OPA3: variants seen among roughly 807,000 people sequenced by gnomAD.
OPA3 encodes optic atrophy 3 protein.
In OPA3, 6 loss-of-function variants were observed where a neutral mutation model predicts 4.0. The ratio of observed to expected loss-of-function variants is 1.51; its 90% CI spans 0.83 to 2.99. OPA3 has a LOEUF of 2.99. OPA3 is among the 30% of genes most tolerant of loss of function. The pLI is 0.00. For synonymous variants in OPA3, 105 were observed against 117.1 expected (o/e 0.90, Z 0.67); for missense variants, 235 against 256.2 (o/e 0.92, Z 0.56).
intron 1 of OPA3, among the ~76,000 whole-genome samples, chr19:45,564,525 C>T (rs1436770086): frequency 6.6e-6 from 1 of 152,174 alleles, no homozygotes; most frequent in Non-Finnish European, 1.5e-5. Context: ...GCAATGCAGA[C>T]ATCAAGAGCC....
Position 45,548,142 on chromosome 19 carries a change from T to C in OPA3, c.*5372A>G. Reference sequence around the variant, plus strand: ...ACACTCAGAGTTGCCATGCTTCTCCTCTCTCTGTCCACACCGACTCCAGCT... The same window carrying C: ...ACACTCAGAGTTGCCATGCTTCTCCCCTCTCTGTCCACACCGACTCCAGCT... On this transcript the variant is annotated 3_prime_UTR_variant, in exon 2 of 2. Coordinates refer to ENST00000263275, the MANE Select transcript of OPA3 (RefSeq NM_025136.4). The C allele has an allele frequency of 1.0e-6, 1 of 985,714 alleles. No homozygotes were observed. Among genetic ancestry groups the C allele is most frequent in the Non-Finnish European group, 1.2e-6 (1 of 830,098 alleles). The allele number at this position is 985,714 out of a possible 1,614,324, so 61.1% of individuals were successfully genotyped here.
In OPA3 at chr19:45,553,561, T is replaced by C. The variant is rs1304888554; in HGVS notation, c.493A>G (p.Asn165Asp). ...ELQEVRAQLC[N>D]PGRSASHAVP... ...GCGTGGGAAGCGGACCGGCCGGGAT[T>C]GCAGAGCTGGGCGCGCACCTCTTGC... is the stretch of plus-strand genomic sequence containing the variant. Residue 165 changes from asparagine (N) to aspartate (D), a missense_variant, in exon 2 of 2, where the codon AAT becomes GAT. Asn to Asp is a conservative substitution (Grantham distance 23, BLOSUM62 1). Transcript: ENST00000263275. The C allele has an allele frequency of 5.0e-6, 8 of 1,613,300 alleles. No homozygotes were observed. In the South Asian group the frequency reaches 6.6e-5, roughly 13 times the overall value.
rs539986721 is a variant in OPA3, at chr19:45,560,244, C to G, written c.143-6333G>C. On this transcript the variant is annotated intron_variant, in intron 1 of 1. Transcript: ENST00000263275. ...CTCAGATGTCCCCTCCTCCAGGAAGCCTTCCCTGACCTCCAGACCCCTGGG... is the reference window on the plus strand; with the variant it reads ...CTCAGATGTCCCCTCCTCCAGGAAGGCTTCCCTGACCTCCAGACCCCTGGG... Among the ~76,000 whole-genome samples the G allele has an allele frequency of 3.3e-4, 50 of 152,202 alleles. No individual in the cohort carries two copies. The South Asian group carries it at 7.1e-3, about 21-fold the overall frequency.
At chr19:45,573,295 C>T (rs1969715905) in intron 1 of OPA3, among the ~76,000 whole-genome samples, 1 of 151,888 alleles carries the variant, frequency 6.6e-6, no homozygotes, top group Admixed American at 6.6e-5. Context: ...ACTAAAAATA[C>T]AAAAAATTAG....
At chr19:45,557,042 C>T (rs561296642) in intron 1 of OPA3, among the ~76,000 whole-genome samples, 1 of 152,222 alleles carries the variant, frequency 6.6e-6, no homozygotes, top group African/African-American at 2.4e-5. Context: ...ACTGTCACTG[C>T]CTCCTTCATG....
intron 1 of OPA3, among the ~76,000 whole-genome samples, chr19:45,532,360 T>C (rs972910604): frequency 2.0e-5 from 3 of 152,214 alleles, no homozygotes; most frequent in African/African-American, 7.2e-5. Flanking sequence ...TGAGAATAAC[T>C]GATCCTAGTG....
chr19:45,583,854 T>A (rs1969891731), intron 1 of OPA3, among the ~76,000 whole-genome samples: 1 of 152,228 alleles, frequency 6.6e-6, no homozygotes, highest in Non-Finnish European at 1.5e-5. Context: ...GCAGCCCTGC[T>A]GGCCTCAGGT....
intron 1 of OPA3, among the ~76,000 whole-genome samples, chr19:45,581,533 G>A (rs776676754): frequency 2.6e-5 from 4 of 152,162 alleles, no homozygotes; most frequent in Non-Finnish European, 4.4e-5. Flanking sequence ...TCTGTCCCCC[G>A]CAGGACTAGG....
At chr19:45,533,260 T>C (rs1252246216) in intron 1 of OPA3, among the ~76,000 whole-genome samples, 1 of 151,232 alleles carries the variant, frequency 6.6e-6, no homozygotes, top group Non-Finnish European at 1.5e-5. Flanking sequence ...CAGTGGCGCA[T>C]CTCTGCTCAC....
intron 1 of OPA3, among the ~76,000 whole-genome samples, chr19:45,540,858 G>A (rs1969178521): frequency 6.6e-6 from 1 of 152,122 alleles, no homozygotes; most frequent in South Asian, 2.1e-4. Flanking sequence ...TCTCTCACTG[G>A]AATTGGCAAA....
intron 1 of OPA3, among the ~76,000 whole-genome samples, chr19:45,578,497 C>T (rs1236754473): frequency 6.6e-6 from 1 of 150,884 alleles, no homozygotes; most frequent in Non-Finnish European, 1.5e-5. Flanking sequence ...ACTCCTGGCT[C>T]ACTGGCTTCC....
chr19:45,575,642 T>G (rs1004363631), intron 1 of OPA3, among the ~76,000 whole-genome samples: 3 of 152,158 alleles, frequency 2.0e-5, no homozygotes, highest in Non-Finnish European at 4.4e-5. Context: ...GGTCTTGCTC[T>G]GTCACCCAGG....
chr19:45,558,486 G>A (rs1038216094), intron 1 of OPA3, among the ~76,000 whole-genome samples: 1 of 152,062 alleles, frequency 6.6e-6, no homozygotes, highest in Non-Finnish European at 1.5e-5. Flanking sequence ...CAACTACTGC[G>A]GTCGCCAGCC....
At chr19:45,560,813 C>T (rs1969490979) in intron 1 of OPA3, among the ~76,000 whole-genome samples, 1 of 152,134 alleles carries the variant, frequency 6.6e-6, no homozygotes, top group African/African-American at 2.4e-5. Flanking sequence ...CTCTAGGTCA[C>T]AACACAGTGG....
In OPA3 at chr19:45,548,691, C is replaced by T. The variant is rs1969287886; in HGVS notation, c.*4823G>A. 1 of 981,742 alleles carries T rather than the reference C, an allele frequency of 1.0e-6. No individual in the cohort carries two copies. Among genetic ancestry groups the T allele is most frequent in the Non-Finnish European group, 1.2e-6 (1 of 827,530 alleles). 60.8% of individuals were successfully genotyped at this position (981,742 alleles called of 1,614,324 possible). A position where few individuals can be genotyped will look rare whatever the true frequency, so the allele number is the denominator to read the frequency against. Reference sequence around the variant, plus strand: ...TTTTTTTTTTGCGGGAGACGCCCTACCAAGGACACTGGGTCCATGTCCCGG... The same window carrying T: ...TTTTTTTTTTGCGGGAGACGCCCTATCAAGGACACTGGGTCCATGTCCCGG... On this transcript the variant is annotated 3_prime_UTR_variant, in exon 2 of 2. Coordinates refer to ENST00000263275, the MANE Select transcript of OPA3 (RefSeq NM_025136.4).
intron 1 of OPA3, among the ~76,000 whole-genome samples, chr19:45,535,077 C>T: frequency 6.6e-6 from 1 of 152,080 alleles, no homozygotes; most frequent in Non-Finnish European, 1.5e-5. Flanking sequence ...TTTGCAGGTT[C>T]CCAACAACAG....
chr19:45,538,118 T>A (rs982235244), intron 1 of OPA3, among the ~76,000 whole-genome samples: 186 of 70,322 alleles, frequency 2.6e-3, no homozygotes, highest in African/African-American at 3.3e-3. Flanking sequence ...AAAAAAAAAA[T>A]GCCACCTGAA....
chr19:45,537,410 A>AAAAAAAAAAAAAAAAAG (rs1555730890), intron 1 of OPA3, among the ~76,000 whole-genome samples: 28 of 120,114 alleles, frequency 2.3e-4, no homozygotes, highest in African/African-American at 4.0e-4. Context: ...AAAAAAAAAA[A>AAAAAAAAAAAAAAAAAG]AAAAAAAAAA....
At chr19:45,576,342 C>T (rs1020912782) in intron 1 of OPA3, among the ~76,000 whole-genome samples, 2 of 152,130 alleles carry the variant, frequency 1.3e-5, no homozygotes, top group African/African-American at 4.8e-5. Context: ...ACCAGCCTAG[C>T]CAACATGGTG....
Sources: allele counts gnomAD v4.1 joint callset (sites outside exome capture counted in the v4.1 genomes callset), GRCh38; gene constraint gnomAD v4.1.1; transcripts MANE v1.5; gene names NCBI Gene and HGNC (gene_info 2026-07-23, HGNC 2026-07-21).